Variants in AGBL4 observed in about 807,000 individuals in gnomAD.
AGBL4 encodes cytosolic carboxypeptidase 6.
Under a neutral mutation model 66.4 loss-of-function variants are expected in AGBL4, and 58 were observed. That is an observed-to-expected ratio of 0.87 (90% CI 0.71 to 1.09). AGBL4 has a LOEUF of 1.09. Ranked by LOEUF, AGBL4 falls within the 50% of genes least tolerant of loss-of-function variation. AGBL4 has a pLI of 0.00. For missense variants in AGBL4, 579 were observed against 631.0 expected (o/e 0.92, Z 0.88); for synonymous variants, 234 against 222.9 (o/e 1.05, Z -0.44).
At chr1:49,964,830 A>G (rs1657421513) in intron 1 of AGBL4, among the ~76,000 whole-genome samples, 1 of 152,212 alleles carries the variant, frequency 6.6e-6, no homozygotes, top group Non-Finnish European at 1.5e-5. Context: ...TATGGTTAAG[A>G]TGACTTAACT....
intron 11 of AGBL4, among the ~76,000 whole-genome samples, chr1:48,542,903 A>C (rs976491813): frequency 1.3e-5 from 2 of 152,194 alleles, no homozygotes; most frequent in African/African-American, 4.8e-5. Context: ...TCAGTCATGA[A>C]GTCTTTCGTG....
intron 2 of AGBL4, among the ~76,000 whole-genome samples, chr1:49,744,467 C>T (rs1457555415): frequency 6.6e-6 from 1 of 152,066 alleles, no homozygotes; most frequent in Non-Finnish European, 1.5e-5. Flanking sequence ...GTAAATTAAA[C>T]AGTCTCAAGT....
chr1:49,317,670 A>G (rs1490152230), intron 3 of AGBL4, among the ~76,000 whole-genome samples: 1 of 151,846 alleles, frequency 6.6e-6, no homozygotes, highest in African/African-American at 2.4e-5. Context: ...CACTCTCCAA[A>G]CAAATCCAAG....
At chr1:48,706,238 G>A (rs1406032302) in intron 6 of AGBL4, among the ~76,000 whole-genome samples, 2 of 152,012 alleles carry the variant, frequency 1.3e-5, no homozygotes, top group Admixed American at 6.6e-5. Flanking sequence ...TATTTTAAAA[G>A]ATGAAGAAAA....
In AGBL4 at chr1:49,900,986, A is replaced by C. The variant is rs577196948; in HGVS notation, c.35-49468T>G. 2.4e-4 allele frequency among the ~76,000 whole-genome samples: 36 copies of C among 152,346 alleles called. 1 individual carries two copies. The South Asian group carries it at 7.5e-3, about 32-fold the overall frequency. On this transcript the variant is annotated intron_variant, in intron 1 of 13. Transcript: ENST00000371839. ...TAGGTACCATTTATAATGATGTAAA[A>C]TGACTTATAGTGATGTAGTGTAACA...
chr1:49,172,632 T>C (rs1646759226), intron 4 of AGBL4, among the ~76,000 whole-genome samples: 1 of 152,288 alleles, frequency 6.6e-6, no homozygotes, highest in Non-Finnish European at 1.5e-5. Flanking sequence ...TAGGATCCTA[T>C]ACCATGTTGT....
intron 2 of AGBL4, among the ~76,000 whole-genome samples, chr1:49,804,988 G>A (rs569025487): frequency 1.4e-4 from 21 of 152,102 alleles, no homozygotes; most frequent in Non-Finnish European, 2.8e-4. Context: ...AGCACATCAC[G>A]GTGTAGACTA....
In AGBL4 at chr1:48,850,755, G is replaced by A. The variant is rs571998501; in HGVS notation, c.634+16436C>T. Among the ~76,000 whole-genome samples, 14 of 152,212 alleles carry A rather than the reference G, an allele frequency of 9.2e-5. No homozygotes were observed. In the East Asian group the frequency reaches 1.4e-3, roughly 15 times the overall value. ...TGATCTCAAACTCCTGGGCTCAAGC[G>A]ATCTGCCCGCCTCAGCCTCCCACCC... On this transcript the variant is annotated intron_variant, in intron 6 of 13. Coordinates refer to ENST00000371839, the MANE Select transcript of AGBL4 (RefSeq NM_032785.4).
chr1:48,530,761 T>C (rs763920491), downstream of AGBL4, among the ~76,000 whole-genome samples: 1 of 152,144 alleles, frequency 6.6e-6, no homozygotes, highest in Non-Finnish European at 1.5e-5. Context: ...GAGAGCCAGG[T>C]TGAGACCTGT....
intron 2 of AGBL4, among the ~76,000 whole-genome samples, chr1:49,825,341 A>G (rs974214752): frequency 6.6e-6 from 1 of 152,250 alleles, no homozygotes; most frequent in Non-Finnish European, 1.5e-5. Context: ...GGAAGGGGAC[A>G]AAAAATTTAT....
At chr1:48,750,725 G>T (rs1342468184) in intron 6 of AGBL4, among the ~76,000 whole-genome samples, 1 of 152,226 alleles carries the variant, frequency 6.6e-6, no homozygotes, top group African/African-American at 2.4e-5. Context: ...TAATGAGATA[G>T]GCTGCACTGG....
intron 1 of AGBL4, among the ~76,000 whole-genome samples, chr1:50,003,203 T>G (rs1221651665): frequency 6.6e-6 from 1 of 152,208 alleles, no homozygotes; most frequent in Non-Finnish European, 1.5e-5. Context: ...ATATAAAAGT[T>G]AACATGAAAT....
rs916393370 is a variant in AGBL4 at position 48,546,459 on chromosome 1, C to A, written c.1268-6721G>T. 2.0e-5 allele frequency among the ~76,000 whole-genome samples: 3 copies of A among 152,034 alleles called. No homozygotes were observed. In the East Asian group the frequency reaches 5.8e-4, roughly 29 times the overall value. The stretch of plus-strand genomic sequence containing the variant: ...TGAAGGACAAAGACCGGTCTTAAAG[C>A]GGGTGGAAGAGAAAGACAAGTATCA... On this transcript the variant is annotated intron_variant, in intron 11 of 13. Coordinates refer to ENST00000371839, the MANE Select transcript of AGBL4 (RefSeq NM_032785.4).
At chr1:49,447,718 G>T (rs1646190816) in intron 3 of AGBL4, among the ~76,000 whole-genome samples, 1 of 152,152 alleles carries the variant, frequency 6.6e-6, no homozygotes, top group South Asian at 2.1e-4. Flanking sequence ...GACTGCTAAA[G>T]CTCTCTCATC....
At chr1:49,250,880 T>C (rs1361365553) in intron 3 of AGBL4, among the ~76,000 whole-genome samples, 2 of 152,036 alleles carry the variant, frequency 1.3e-5, no homozygotes, top group Non-Finnish European at 2.9e-5. Flanking sequence ...CTTTGAGAAG[T>C]GGTAGAAGTA....
intron 4 of AGBL4, among the ~76,000 whole-genome samples, chr1:49,127,908 G>A (rs1241912193): frequency 6.6e-6 from 1 of 151,972 alleles, no homozygotes; most frequent in Non-Finnish European, 1.5e-5. Flanking sequence ...ACACAACAAT[G>A]TAAACTCTAC....
intron 4 of AGBL4, among the ~76,000 whole-genome samples, chr1:49,064,950 T>G (rs543739967): frequency 1.3e-5 from 2 of 152,324 alleles, no homozygotes; most frequent in African/African-American, 4.8e-5. Flanking sequence ...AGAATTTCAT[T>G]ATAATGTTAT....
At chr1:49,415,637 C>T (rs1645410807) in intron 3 of AGBL4, among the ~76,000 whole-genome samples, 1 of 151,890 alleles carries the variant, frequency 6.6e-6, no homozygotes, top group Non-Finnish European at 1.5e-5. Flanking sequence ...TGAACTTTAT[C>T]CTTAAAGCAA....
intron 3 of AGBL4, among the ~76,000 whole-genome samples, chr1:49,272,797 C>T (rs982232365): frequency 2.6e-4 from 40 of 152,022 alleles, no homozygotes; most frequent in Non-Finnish European, 4.6e-4. Context: ...CTGTCTGATA[C>T]CATTGACTTA....
Sources: gnomAD v4.1 joint callset for allele counts (sites outside exome capture counted in the v4.1 genomes callset) on GRCh38, gnomAD v4.1.1 for gene constraint, MANE v1.5 for transcripts, NCBI Gene and HGNC (gene_info 2026-07-23, HGNC 2026-07-21) for gene names.